Variants in DLGAP1 observed in about 807,000 individuals in gnomAD.
DLGAP1 encodes the protein DLG associated protein 1, also known as disks large-associated protein 1.
Under a neutral mutation model 90.8 loss-of-function variants are expected in DLGAP1, and 11 were observed. The ratio of observed to expected loss-of-function variants is 0.12; its 90% CI spans 0.08 to 0.20. The LOEUF (loss-of-function observed/expected upper bound fraction) is 0.20, where lower values mean the gene tolerates loss of function less well. Among genes scored for constraint, DLGAP1 ranks in the 10% least tolerant of loss-of-function variants. The pLI, the probability that DLGAP1 is intolerant of heterozygous loss-of-function variation, is 1.00. For synonymous variants in DLGAP1, 558 were observed against 540.7 expected (o/e 1.03, Z -0.44); for missense variants, 1,050 against 1,333.8 (o/e 0.79, Z 3.31).
Position 3,580,944 on chromosome 18 carries a change from G to A in DLGAP1, c.1965+931C>T, listed in dbSNP as rs139406123. Among the ~76,000 whole-genome samples the A allele has an allele frequency of 8.8e-3, 1,344 of 152,270 alleles. 14 individuals are homozygous for A. The highest frequency in any genetic ancestry group is 0.031 in the African/African-American group (1,278 of 41,548). The stretch of plus-strand genomic sequence containing the variant: ...AGCCCCAGGAAATGTGGGGTCGGCC[G>A]GGACCCTCACAGCTCTGAATTTGCT... On this transcript the variant is annotated intron_variant, in intron 8 of 12. Transcript: ENST00000315677.
At chr18:4,316,635 A>T (rs561169454) in intron 1 of DLGAP1, among the ~76,000 whole-genome samples, 1 of 152,176 alleles carries the variant, frequency 6.6e-6, no homozygotes, top group Non-Finnish European at 1.5e-5. Context: ...GCCTCTGTAC[A>T]GTTTCCTGCC....
intron 1 of DLGAP1, among the ~76,000 whole-genome samples, chr18:4,286,421 T>C (rs8091337): frequency 0.046 from 7,013 of 152,054 alleles, 228 homozygotes; most frequent in African/African-American, 0.084. Context: ...GTGAAAAGCA[T>C]CAACACATGA....
chr18:3,588,863 G>T (rs2145509385), intron 7 of DLGAP1, among the ~76,000 whole-genome samples: 1 of 152,186 alleles, frequency 6.6e-6, no homozygotes, highest in African/African-American at 2.4e-5. Flanking sequence ...GCTAGCTCAT[G>T]ATTGAATATT....
chr18:4,085,550 GGACT>G (rs2075670284), intron 2 of DLGAP1, among the ~76,000 whole-genome samples: 1 of 152,106 alleles, frequency 6.6e-6, no homozygotes, highest in Non-Finnish European at 1.5e-5. Context: ...GAAATAGACT[GGACT>G]GACCCAGGGA....
intron 4 of DLGAP1, among the ~76,000 whole-genome samples, chr18:3,819,275 G>A (rs951712675): frequency 2.0e-5 from 3 of 151,938 alleles, no homozygotes; most frequent in East Asian, 2.0e-4. Context: ...GTGCCACTGC[G>A]CATTTTACTG....
intron 1 of DLGAP1, among the ~76,000 whole-genome samples, chr18:4,410,654 A>G (rs2082757698): frequency 6.7e-6 from 1 of 149,572 alleles, no homozygotes; most frequent in Admixed American, 6.8e-5. Flanking sequence ...CTGATCCAGC[A>G]ATTTTATTTT....
intron 1 of DLGAP1, among the ~76,000 whole-genome samples, chr18:4,337,489 CAA>C (rs2081096471): frequency 1.3e-5 from 2 of 151,940 alleles, no homozygotes; most frequent in Non-Finnish European, 1.5e-5. Flanking sequence ...CTGTGCCCGG[CAA>C]AGAGATGGCT....
chr18:3,864,716 G>A (rs1458715641), intron 4 of DLGAP1, among the ~76,000 whole-genome samples: 1 of 152,080 alleles, frequency 6.6e-6, no homozygotes, highest in Non-Finnish European at 1.5e-5. Context: ...ATTGTTGTCT[G>A]TTATAAGGAT....
At chr18:3,736,416 A>G (rs1416775537) in intron 6 of DLGAP1, among the ~76,000 whole-genome samples, 2 of 152,194 alleles carry the variant, frequency 1.3e-5, no homozygotes, top group Non-Finnish European at 2.9e-5. Flanking sequence ...GCTGTGAGTA[A>G]TAAATGACAG....
chr18:4,308,028 A>T (rs948941315), intron 1 of DLGAP1, among the ~76,000 whole-genome samples: 2 of 151,958 alleles, frequency 1.3e-5, no homozygotes, highest in African/African-American at 4.8e-5. Context: ...GGTTTGCTTT[A>T]TACCTGTCCC....
At chr18:4,128,324 G>A (rs1051012330) in intron 2 of DLGAP1, among the ~76,000 whole-genome samples, 2 of 152,080 alleles carry the variant, frequency 1.3e-5, no homozygotes, top group African/African-American at 4.8e-5. Context: ...ATACCGGGGG[G>A]ATGTGAGTAG....
chr18:4,024,886 C>T (rs1338607845), intron 2 of DLGAP1, among the ~76,000 whole-genome samples: 1 of 152,060 alleles, frequency 6.6e-6, no homozygotes, highest in Admixed American at 6.6e-5. Flanking sequence ...ACTCATGAAA[C>T]AGTAATCCAG....
At chr18:3,820,409 G>C (rs9956775) in intron 4 of DLGAP1, among the ~76,000 whole-genome samples, 23,847 of 152,192 alleles carry the variant, frequency 0.16, 5,788 homozygotes, top group African/African-American at 0.52. Flanking sequence ...GAACTGGGAG[G>C]AAGGAACCTA....
At chr18:3,864,356 A>T (rs895132965) in intron 4 of DLGAP1, among the ~76,000 whole-genome samples, 6 of 152,202 alleles carry the variant, frequency 3.9e-5, no homozygotes, top group Admixed American at 3.3e-4. Flanking sequence ...TTCACTTCTC[A>T]GTTCCTTAGA....
chr18:4,096,498 T>C (rs1302299446), intron 2 of DLGAP1, among the ~76,000 whole-genome samples: 2 of 152,192 alleles, frequency 1.3e-5, no homozygotes, highest in African/African-American at 4.8e-5. Context: ...TGCTTTTTCC[T>C]TTGCTTAAGG....
intron 1 of DLGAP1, among the ~76,000 whole-genome samples, chr18:4,228,919 T>C (rs2078245709): frequency 6.6e-6 from 1 of 151,962 alleles, no homozygotes; most frequent in Admixed American, 6.6e-5. Flanking sequence ...GTTTGCAAAT[T>C]ATGTAATCTT....
At chr18:3,995,377 T>C (rs1329835655) in intron 3 of DLGAP1, 1 of 152,148 alleles carries the variant, frequency 6.6e-6, no homozygotes, top group Admixed American at 6.5e-5. Context: ...TACTGGCACT[T>C]GGGGTTAGTA....
chr18:3,994,505 G>A (rs2074029879), intron 3 of DLGAP1, among the ~76,000 whole-genome samples: 2 of 152,166 alleles, frequency 1.3e-5, no homozygotes, highest in African/African-American at 2.4e-5. Context: ...CTGACAGAGT[G>A]CGGCTAAAAA....
At chr18:4,092,414 C>T (rs530162830) in intron 2 of DLGAP1, among the ~76,000 whole-genome samples, 51 of 152,282 alleles carry the variant, frequency 3.3e-4, no homozygotes, top group Non-Finnish European at 6.2e-4. Context: ...CCTGCCCCTC[C>T]TCCCAGTGTC....
Sources: gnomAD v4.1 joint callset for allele counts (sites outside exome capture counted in the v4.1 genomes callset) on GRCh38, gnomAD v4.1.1 for gene constraint, MANE v1.5 for transcripts, NCBI Gene and HGNC (gene_info 2026-07-23, HGNC 2026-07-21) for gene names.